The following CRACD variants were observed in gnomAD, a reference collection of about 807,000 sequenced individuals.
CRACD encodes the protein capping protein-inhibiting regulator of actin dynamics.
In CRACD, 56 loss-of-function variants were observed where a neutral mutation model predicts 106.8. That is an observed-to-expected ratio of 0.52 (90% CI 0.42 to 0.66). The LOEUF (loss-of-function observed/expected upper bound fraction) is 0.66. CRACD is among the 30% of genes least tolerant of loss of function. CRACD has a pLI of 0.00. For synonymous variants in CRACD, 754 were observed against 670.8 expected (o/e 1.12, Z -1.92); for missense variants, 1,730 against 1,623.2 (o/e 1.07, Z -1.13).
intron 1 of CRACD, among the ~76,000 whole-genome samples, chr4:56,056,726 G>A (rs1445313246): frequency 1.3e-5 from 2 of 152,092 alleles, no homozygotes; most frequent in African/African-American, 4.8e-5. Context: ...TAGGGAGGTT[G>A]AGGCTACAAT....
At position 56,320,145 on chromosome 4, in the gene CRACD, C is replaced by CAAA. The variant is rs11386476; in HGVS notation, c.3188-3222_3188-3220dup. On this transcript the variant is annotated intron_variant, in intron 8 of 10. Transcript: ENST00000682029. ...AGAGATTGTGCACTGACTCCAGCCT[C>CAAA]AAAAAAAAAAAACAAACCTTTCATT... 5.3e-3 allele frequency among the ~76,000 whole-genome samples: 766 copies of CAAA among 145,130 alleles called. 6 individuals carry two copies. The highest frequency in any genetic ancestry group is 9.3e-3 in the Non-Finnish European group (615 of 66,040).
intron 2 of CRACD, among the ~76,000 whole-genome samples, chr4:56,258,870 AT>A: frequency 6.6e-6 from 1 of 152,308 alleles, no homozygotes; most frequent in Admixed American, 6.5e-5. Context: ...TGGGCAAAGA[AT>A]TTTAAGATAT....
chr4:56,125,610 T>C (rs2109859037), intron 1 of CRACD, among the ~76,000 whole-genome samples: 1 of 152,074 alleles, frequency 6.6e-6, no homozygotes, highest in South Asian at 2.1e-4. Flanking sequence ...GGAGATGGGA[T>C]CTTACTGTGT....
intron 2 of CRACD, among the ~76,000 whole-genome samples, chr4:56,247,771 A>T (rs13115456): frequency 1.3e-5 from 2 of 151,742 alleles, no homozygotes; most frequent in Non-Finnish European, 2.9e-5. Context: ...ACATGAATCC[A>T]GGAGGGGGAC....
chr4:56,256,050 TCA>T (rs1311217367), intron 2 of CRACD, among the ~76,000 whole-genome samples: 1 of 152,188 alleles, frequency 6.6e-6, no homozygotes, highest in Non-Finnish European at 1.5e-5. Context: ...GATTCACAGC[TCA>T]CACACTTAGA....
chr4:56,215,227 C>T (rs1033900892), intron 2 of CRACD, among the ~76,000 whole-genome samples: 1 of 152,030 alleles, frequency 6.6e-6, no homozygotes, highest in Non-Finnish European at 1.5e-5. Flanking sequence ...CACTATGTTG[C>T]CCAGGCTGAT....
At chr4:56,189,063 G>C (rs965334107) in intron 2 of CRACD, among the ~76,000 whole-genome samples, 1 of 152,036 alleles carries the variant, frequency 6.6e-6, no homozygotes, top group African/African-American at 2.4e-5. Context: ...TGCATCTGTA[G>C]TCCCAGTTAC....
chr4:56,121,182 T>G (rs1390066114), intron 1 of CRACD, among the ~76,000 whole-genome samples: 1 of 152,222 alleles, frequency 6.6e-6, no homozygotes, highest in African/African-American at 2.4e-5. Context: ...AGTTTTAGTT[T>G]AATTAAAACA....
intron 2 of CRACD, among the ~76,000 whole-genome samples, chr4:56,251,641 G>T (rs555217084): frequency 6.6e-6 from 1 of 152,254 alleles, no homozygotes; most frequent in East Asian, 1.9e-4. Flanking sequence ...TGAAACTCTG[G>T]TAGAATTTTG....
At chr4:56,211,578 AG>A (rs1738409820) in intron 2 of CRACD, among the ~76,000 whole-genome samples, 1 of 152,252 alleles carries the variant, frequency 6.6e-6, no homozygotes, top group Non-Finnish European at 1.5e-5. Flanking sequence ...TTATTGAGCA[AG>A]GAAACAGCTC....
intron 1 of CRACD, among the ~76,000 whole-genome samples, chr4:56,104,163 G>A (rs1577964109): frequency 1.3e-5 from 2 of 152,202 alleles, no homozygotes; most frequent in Admixed American, 1.3e-4. Flanking sequence ...TTGGGAGGCC[G>A]AGGTGGGAGC....
intron 5 of CRACD, among the ~76,000 whole-genome samples, chr4:56,309,524 C>G (rs1184148114): frequency 6.6e-6 from 1 of 152,092 alleles, no homozygotes; most frequent in African/African-American, 2.4e-5. Flanking sequence ...TGAGAACAAC[C>G]TGGGCAACAT....
intron 3 of CRACD, among the ~76,000 whole-genome samples, chr4:56,275,309 G>A (rs1742614656): frequency 6.6e-6 from 1 of 152,124 alleles, no homozygotes; most frequent in Non-Finnish European, 1.5e-5. Context: ...TAGAAACACA[G>A]CAAGGTGTGG....
chr4:56,277,046 G>C (rs1459033100), intron 3 of CRACD, among the ~76,000 whole-genome samples: 1 of 152,182 alleles, frequency 6.6e-6, no homozygotes, highest in African/African-American at 2.4e-5. Flanking sequence ...AGCTGAGAGG[G>C]AAGGCATGAA....
intron 3 of CRACD, among the ~76,000 whole-genome samples, chr4:56,294,955 A>G (rs1743920313): frequency 6.6e-6 from 1 of 151,014 alleles, no homozygotes; most frequent in Non-Finnish European, 1.5e-5. Flanking sequence ...AAAAAAGAAA[A>G]GAAAAGAAAG....
rs1281705042 is a variant in CRACD at position 56,311,276 on chromosome 4, G to A, written c.354+542G>A. On this transcript the variant is annotated intron_variant, in intron 6 of 10. Transcript: ENST00000682029. ...TGTAGGAGCCGATCTGCCCCATTGA[G>A]GACCTTTCATCTGCACAAGGGGCCA... The A allele has an allele frequency of 1.9e-5, 3 of 155,138 alleles. No individual in the cohort carries two copies. The East Asian group carries it at 5.7e-4, about 29-fold the overall frequency. The allele number at this position is 155,138 out of a possible 1,614,324, so 9.6% of individuals were successfully genotyped here. A position where few individuals can be genotyped will look rare whatever the true frequency, so the allele number is the denominator to read the frequency against.
At chr4:56,316,731 TCAGAGCCAGGGCA>T in intron 8 of CRACD, 42 bp downstream of exon 8, 1 of 1,568,132 alleles carries the variant, frequency 6.4e-7, no homozygotes, top group South Asian at 1.2e-5. Context: ...AGCCGAGGTG[TCAGAGCCAGGGCA>T]TCAAGAAGAG....
At chr4:56,075,264 C>T (rs1379388548) in intron 1 of CRACD, among the ~76,000 whole-genome samples, 2 of 152,134 alleles carry the variant, frequency 1.3e-5, no homozygotes, top group South Asian at 2.1e-4. Flanking sequence ...AGGAATGTTA[C>T]CAGCTCCTCT....
chr4:56,237,316 T>G (rs1348667778), intron 2 of CRACD, among the ~76,000 whole-genome samples: 1 of 152,184 alleles, frequency 6.6e-6, no homozygotes, highest in African/African-American at 2.4e-5. Context: ...AATATATTCA[T>G]GTAAATAAAT....
Sources: allele counts gnomAD v4.1 joint callset (sites outside exome capture counted in the v4.1 genomes callset), GRCh38; gene constraint gnomAD v4.1.1; transcripts MANE v1.5; gene names NCBI Gene and HGNC (gene_info 2026-07-23, HGNC 2026-07-21).